WNT2B: variants seen among roughly 807,000 people sequenced by gnomAD.
The protein encoded by WNT2B is Wnt family member 2B.
A neutral mutation model predicts 40.5 loss-of-function variants in WNT2B; 19 were observed. The observed-to-expected ratio is 0.47, with a 90% CI of 0.33 to 0.69. WNT2B has a LOEUF of 0.69. Ranked by LOEUF, WNT2B falls within the 30% of genes least tolerant of loss-of-function variation. The pLI, the probability that WNT2B is intolerant of heterozygous loss-of-function variation, is 0.02. For synonymous variants in WNT2B, 220 were observed against 211.9 expected (o/e 1.04, Z -0.33); for missense variants, 467 against 556.4 (o/e 0.84, Z 1.62).
In WNT2B at chr1:112,520,709, A is replaced by G. The variant is rs1191853986; in HGVS notation, c.*200A>G. 1.2e-5 allele frequency: 7 copies of G among 608,554 alleles called. No individual in the cohort carries two copies. Among genetic ancestry groups the G allele is most frequent in the Non-Finnish European group, 2.0e-5 (7 of 347,646 alleles). 37.7% of individuals were successfully genotyped at this position (608,554 alleles called of 1,614,324 possible). ...AAGGAGTTGTCAGGGGATATAAGAA[A>G]CTGAGCAAGCTCCCTGATTTCCCGC... On this transcript the variant is annotated 3_prime_UTR_variant, in exon 5 of 5. Transcript: ENST00000369684.
Position 112,491,174 on chromosome 1 carries a change from C to G in WNT2B, c.-95+23583C>G. 5.6e-6 allele frequency: 7 copies of G among 1,255,660 alleles called. 1 individual carries two copies. The Middle Eastern group carries it at 6.0e-4, about 108-fold the overall frequency. 77.8% of individuals were successfully genotyped at this position (1,255,660 alleles called of 1,614,324 possible). ...CCTGTAATCCCAGCACTTTCAGAGGCTGAGGCGGGTGGATCACAAGGGCAA... is the reference window on the plus strand; with the variant it reads ...CCTGTAATCCCAGCACTTTCAGAGGGTGAGGCGGGTGGATCACAAGGGCAA... On this transcript the variant is annotated intron_variant, in intron 1 of 4. Transcript: ENST00000256640.
At chr1:112,518,529 C>T (rs1171993308) in intron 4 of WNT2B, 1 of 152,148 alleles carries the variant, frequency 6.6e-6, no homozygotes, top group Non-Finnish European at 1.5e-5. Context: ...AAGAAAAAAA[C>T]TTGGAGCCCT....
chr1:112,503,699 A>G (rs917090808), intron 1 of WNT2B, among the ~76,000 whole-genome samples: 1 of 152,144 alleles, frequency 6.6e-6, no homozygotes, highest in Non-Finnish European at 1.5e-5. Flanking sequence ...GGAGACAGGC[A>G]AGAGACAGGG....
At chr1:112,477,250 C>T (rs1388907249) in intron 1 of WNT2B, among the ~76,000 whole-genome samples, 1 of 152,218 alleles carries the variant, frequency 6.6e-6, no homozygotes, top group African/African-American at 2.4e-5. Flanking sequence ...ATTGGCCATG[C>T]TGATCTCAGC....
At chr1:112,468,297 A>G (rs1265800692) in intron 1 of WNT2B, among the ~76,000 whole-genome samples, 1 of 151,874 alleles carries the variant, frequency 6.6e-6, no homozygotes, top group Non-Finnish European at 1.5e-5. Context: ...TATACTATTT[A>G]TTTTCCTTTA....
At chr1:112,520,232 C>G in intron 4 of WNT2B, 48 bp from the exon 5 acceptor site, 1 of 1,547,134 alleles carries the variant, frequency 6.5e-7, no homozygotes, top group Non-Finnish European at 8.9e-7. Context: ...GTATCCAGGG[C>G]AGCTGAAGAG....
exon 1 of WNT2B, chr1:112,466,935 A>G (rs1650726566): frequency 6.6e-6 from 1 of 152,490 alleles, no homozygotes; most frequent in African/African-American, 2.4e-5. Context: ...ACTAGGATAG[A>G]GAAATAAGTT....
At chr1:112,486,727 C>T (rs910962609) in intron 1 of WNT2B, among the ~76,000 whole-genome samples, 8 of 151,186 alleles carry the variant, frequency 5.3e-5, no homozygotes, top group African/African-American at 1.9e-4. Flanking sequence ...ATACAGTAGG[C>T]AAATGAAAAG....
intron 1 of WNT2B, among the ~76,000 whole-genome samples, chr1:112,503,862 A>T (rs1051088563): frequency 7.2e-5 from 11 of 152,118 alleles, no homozygotes; most frequent in African/African-American, 2.7e-4. Context: ...AGAGAGACCC[A>T]GGGAGATGGA....
chr1:112,509,545 C>G lies in WNT2B; in HGVS notation c.182+101C>G. 1.5e-6 allele frequency: 2 copies of G among 1,332,510 alleles called. No individual in the cohort carries two copies. The highest frequency in any genetic ancestry group is 2.0e-6 in the Non-Finnish European group (2 of 1,013,418). 82.5% of individuals were successfully genotyped at this position (1,332,510 alleles called of 1,614,324 possible). On this transcript the variant is annotated intron_variant, in intron 1 of 4. Coordinates refer to ENST00000369684, the MANE Select transcript of WNT2B (RefSeq NM_024494.3). The surrounding 1 kb of genome is among the most constrained non-coding windows in gnomAD (Gnocchi z 4.2). ...TCACGGGACCAGGCTGTTGCTTCGACGGGTTGGAGACGATTCGGGCAGGAC... is the reference window on the plus strand; with the variant it reads ...TCACGGGACCAGGCTGTTGCTTCGAGGGGTTGGAGACGATTCGGGCAGGAC...
At chr1:112,512,248 T>C (rs1244288186) in intron 1 of WNT2B, among the ~76,000 whole-genome samples, 1 of 152,218 alleles carries the variant, frequency 6.6e-6, no homozygotes, top group Non-Finnish European at 1.5e-5. Flanking sequence ...TAGGTGTTTA[T>C]TCAACAAATA....
chr1:112,521,661 C>T lies in WNT2B; in HGVS notation c.*1152C>T, dbSNP rs538531778. On this transcript the variant is annotated 3_prime_UTR_variant, in exon 5 of 5. Transcript: ENST00000369684. Reference sequence around the variant, plus strand: ...CTCAACAAATCTTTATTTAGTGACTCTCCAAGTCCTAGTGATTATTATTAT... The same window carrying T: ...CTCAACAAATCTTTATTTAGTGACTTTCCAAGTCCTAGTGATTATTATTAT... 55 of 152,302 alleles carry T rather than the reference C, an allele frequency of 3.6e-4. No individual in the cohort carries two copies. The highest frequency in any genetic ancestry group is 1.2e-3 in the African/African-American group (49 of 41,542). The allele number at this position is 152,302 out of a possible 1,614,324, so 9.4% of individuals were successfully genotyped here.
intron 1 of WNT2B, among the ~76,000 whole-genome samples, chr1:112,493,063 G>T (rs192514762): frequency 6.6e-6 from 1 of 151,954 alleles, no homozygotes; most frequent in Admixed American, 6.5e-5. Flanking sequence ...ACCAGACTCA[G>T]ATATGGCAGG....
chr1:112,491,189 C>T (rs992301744), intron 1 of WNT2B: 1 of 1,081,974 alleles, frequency 9.2e-7, no homozygotes, highest in Non-Finnish European at 1.4e-6. Context: ...GCGGGTGGAT[C>T]ACAAGGGCAA....
In WNT2B at chr1:112,514,884, G is replaced by A; in HGVS notation, c.193G>A (p.Ala65Thr). Residue 65 changes from alanine to threonine, a missense_variant, in exon 2 of 5, where the codon GCA becomes ACA. Ala to Thr is a moderately conservative substitution (Grantham distance 58, BLOSUM62 0). This residue lies in a region of WNT2B where 137 missense variants were observed against 117.7 expected (regional missense o/e 1.16). Transcript: ENST00000369684. ...RVDTSWWYIG[A>T]LGARVICDNI... ...ATCTCTGCCTTGCAGGTACATTGGGGCACTGGGGGCACGAGTGATCTGTGA... is the reference window on the plus strand; with the variant it reads ...ATCTCTGCCTTGCAGGTACATTGGGACACTGGGGGCACGAGTGATCTGTGA... 1 of 1,614,234 alleles carries A rather than the reference G, an allele frequency of 6.2e-7. No homozygotes were observed. The highest frequency in any genetic ancestry group is 8.5e-7 in the Non-Finnish European group (1 of 1,180,036).
rs1653776724 is a variant in WNT2B, at chr1:112,528,201, CAGA to C, written c.*7698_*7700del. The C allele has an allele frequency of 1.3e-5, 2 of 151,974 alleles. No homozygotes were observed. The highest frequency in any genetic ancestry group is 1.9e-4 in the East Asian group (1 of 5,190). 9.4% of individuals were successfully genotyped at this position (151,974 alleles called of 1,614,324 possible). A position where few individuals can be genotyped will look rare whatever the true frequency, so the allele number is the denominator to read the frequency against. On this transcript the variant is annotated 3_prime_UTR_variant, in exon 5 of 5. Coordinates refer to ENST00000369684, the MANE Select transcript of WNT2B (RefSeq NM_024494.3). ...GTTTTATGAACTGACTGAGGGCAGT[CAGA>C]AGAAGGCATTCTAAATAGAGGGAAC...
chr1:112,520,368 C>T lies in WNT2B; in HGVS notation c.1035C>T (p.Asp345=). 1.2e-6 allele frequency: 2 copies of T among 1,614,140 alleles called. No homozygotes were observed. The highest frequency in any genetic ancestry group is 1.7e-6 in the Non-Finnish European group (2 of 1,180,040). ...CEIMCCGRGY[D]TTRVTRVTQC... is the part of the protein sequence containing the mutation. The stretch of plus-strand genomic sequence containing the variant: ...TCATGTGCTGTGGCCGAGGGTACGA[C>T]ACAACTCGAGTCACCCGTGTTACCC... Residue 345 remains aspartate, a synonymous_variant, in exon 5 of 5, where the codon GAC becomes GAT. Transcript: ENST00000369684.
In WNT2B at chr1:112,482,158, A is replaced by AAAAATT. The variant is rs554768504; in HGVS notation, c.-95+14570_-95+14571insATTAAA. ...GAAAACTCCATCTCAAAAAAAAAAA[A>AAAAATT]AAATTAGCCAGGCTAATTTAAACGG... On this transcript the variant is annotated intron_variant, in intron 1 of 4. Transcript: ENST00000256640. 2.9e-3 allele frequency among the ~76,000 whole-genome samples: 439 copies of AAAAATT among 151,950 alleles called. 1 individual carries two copies. Among genetic ancestry groups the AAAAATT allele is most frequent in the African/African-American group, 0.01 (415 of 41,416 alleles).
At position 112,529,715 on chromosome 1, in the gene WNT2B, G is replaced by C. The variant is rs1008922889; in HGVS notation, c.*9206G>C. The C allele has an allele frequency of 9.1e-6, 1 of 109,564 alleles. No individual in the cohort carries two copies. Among genetic ancestry groups the C allele is most frequent in the Non-Finnish European group, 1.9e-5 (1 of 53,056 alleles). 6.8% of individuals were successfully genotyped at this position (109,564 alleles called of 1,614,324 possible). A position where few individuals can be genotyped will look rare whatever the true frequency, so the allele number is the denominator to read the frequency against. ...TATGGAACTTGAGGCCAAAAAAACA[G>C]AAGGTTACTCTCAATGCCATCCAAA... On this transcript the variant is annotated 3_prime_UTR_variant, in exon 5 of 5. Transcript: ENST00000369684.
Sources: allele counts gnomAD v4.1 joint callset (sites outside exome capture counted in the v4.1 genomes callset), GRCh38; gene constraint gnomAD v4.1.1; regional missense constraint gnomAD v4.1.1; non-coding constraint Gnocchi (gnomAD v3.1); transcripts MANE v1.5; gene names NCBI Gene and HGNC (gene_info 2026-07-23, HGNC 2026-07-21).